HDAC9: variants seen among roughly 807,000 people sequenced by gnomAD.
The protein encoded by HDAC9 is histone deacetylase 9, also known as MEF-2 interacting transcription repressor (MITR) protein.
A neutral mutation model predicts 139.4 loss-of-function variants in HDAC9; 41 were observed. The ratio of observed to expected loss-of-function variants is 0.29; its 90% confidence interval spans 0.23 to 0.38. The LOEUF is 0.38. Among genes scored for constraint, HDAC9 ranks in the 10% least tolerant of loss-of-function variants. HDAC9 has a pLI of 1.00. For synonymous variants in HDAC9, 517 were observed against 476.2 expected (o/e 1.09, Z -1.12); for missense variants, 1,147 against 1,297.0 (o/e 0.88, Z 1.78).
intron 2 of HDAC9, among the ~76,000 whole-genome samples, chr7:18,196,217 TG>T (rs1037458543): frequency 6.6e-6 from 1 of 152,144 alleles, no homozygotes; most frequent in African/African-American, 2.4e-5. Flanking sequence ...TTGGAGCCAG[TG>T]GGGTAAGATT....
intron 24 of HDAC9, among the ~76,000 whole-genome samples, chr7:18,961,740 T>C (rs1348684417): frequency 6.6e-6 from 1 of 152,212 alleles, no homozygotes; most frequent in Non-Finnish European, 1.5e-5. Flanking sequence ...AGTTACTATT[T>C]TCATTCCCAT....
intron 12 of HDAC9, among the ~76,000 whole-genome samples, chr7:18,718,963 C>G (rs1784920670): frequency 6.6e-6 from 1 of 152,144 alleles, no homozygotes; most frequent in African/African-American, 2.4e-5. Context: ...AATAAACATT[C>G]TAATTGGTGT....
chr7:18,696,357 ATATGT>A (rs1783042500), intron 12 of HDAC9, among the ~76,000 whole-genome samples: 1 of 148,470 alleles, frequency 6.7e-6, no homozygotes, highest in Non-Finnish European at 1.5e-5. Flanking sequence ...ATATAGTTAT[ATATGT>A]TATAATTATA....
Position 18,299,221 on chromosome 7 carries a change from T to A in HDAC9, c.-42+8706T>A, listed in dbSNP as rs551611402. On this transcript the variant is annotated intron_variant, in intron 1 of 3. Transcript: ENST00000413509. ...CACCTTGGCTGTACAACTCTTAAGA[T>A]TTTTTTTTTTTTTTTTGCAACACTG... Among the ~76,000 whole-genome samples, 349 of 68,508 alleles carry A rather than the reference T, an allele frequency of 5.1e-3. 2 individuals are homozygous for A. Among genetic ancestry groups the A allele is most frequent in the African/African-American group, 0.02 (333 of 16,954 alleles). The allele number at this position is 68,508 out of a possible 152,430, so 44.9% of individuals were successfully genotyped here.
At chr7:18,135,842 G>A (rs953018989) in intron 1 of HDAC9, among the ~76,000 whole-genome samples, 4 of 143,868 alleles carry the variant, frequency 2.8e-5, no homozygotes, top group Non-Finnish European at 4.4e-5. Context: ...TGGGTCAAAT[G>A]GTATTTCCAG....
rs147662009 is a variant in HDAC9, at chr7:18,945,123, G to A, written c.2938-9023G>A. ...GTGTTTAAATGTGTTTTCCATAGTG[G>A]CAGTTACAATTTGTACTCCTACCAG... On this transcript the variant is annotated intron_variant, in intron 23 of 25. Coordinates refer to ENST00000686413, the MANE Select transcript of HDAC9 (RefSeq NM_178425.4). Among the ~76,000 whole-genome samples the A allele has an allele frequency of 5.0e-3, 756 of 152,240 alleles. 3 individuals are homozygous for A. The highest frequency in any genetic ancestry group is 8.6e-3 in the Non-Finnish European group (588 of 68,014).
In HDAC9 at chr7:18,999,728, T is replaced by C. The variant is rs7791226; in HGVS notation, c.*3666T>C. 0.44 allele frequency: 67,030 copies of C among 152,112 alleles called. 16,186 individuals carry two copies. Among genetic ancestry groups the C allele is most frequent in the Non-Finnish European group, 0.55 (37,576 of 67,984 alleles). 9.4% of individuals were successfully genotyped at this position (152,112 alleles called of 1,614,324 possible). A position where few individuals can be genotyped will look rare whatever the true frequency, so the allele number is the denominator to read the frequency against. ...TGCTGAAATTACAGGTGTGAGCCAC[T>C]GCACCCGGCCAAACTTATTGTTTTA... On this transcript the variant is annotated 3_prime_UTR_variant, in exon 26 of 26. Coordinates refer to ENST00000686413, the MANE Select transcript of HDAC9 (RefSeq NM_178425.4).
At chr7:18,991,463 C>T (rs1001732182) in intron 25 of HDAC9, among the ~76,000 whole-genome samples, 7 of 152,144 alleles carry the variant, frequency 4.6e-5, no homozygotes, top group African/African-American at 1.2e-4. Flanking sequence ...CGGTGAAACC[C>T]TGTCTCTACT....
In HDAC9 at chr7:18,732,880, TGTGC is replaced by T. The variant is rs1190006275; in HGVS notation, c.1909+5126_1909+5129del. 9.4e-5 allele frequency among the ~76,000 whole-genome samples: 10 copies of T among 106,206 alleles called. 3 individuals are homozygous for T. Among genetic ancestry groups the T allele is most frequent in the African/African-American group, 4.4e-4 (10 of 22,686 alleles). 69.7% of individuals were successfully genotyped at this position (106,206 alleles called of 152,430 possible). A position where few individuals can be genotyped will look rare whatever the true frequency, so the allele number is the denominator to read the frequency against. ...GTGTGCGTATGTGTACACACACACG[TGTGC>T]GTATGTGTACACACACACGTGTGCG... On this transcript the variant is annotated intron_variant, in intron 13 of 25. Transcript: ENST00000686413.
intron 13 of HDAC9, among the ~76,000 whole-genome samples, chr7:18,736,945 T>G (rs987323884): frequency 6.6e-6 from 1 of 152,214 alleles, no homozygotes; most frequent in South Asian, 2.1e-4. Flanking sequence ...ATTCAACTTC[T>G]TCCGGCTTTA....
At chr7:18,761,325 C>T (rs1248692570) in intron 14 of HDAC9, among the ~76,000 whole-genome samples, 2 of 152,176 alleles carry the variant, frequency 1.3e-5, no homozygotes, top group Non-Finnish European at 2.9e-5. Flanking sequence ...GAGTGAAAGT[C>T]TCTGCCTAGC....
intron 22 of HDAC9, among the ~76,000 whole-genome samples, chr7:18,881,389 T>C (rs976390277): frequency 6.6e-6 from 1 of 152,110 alleles, no homozygotes; most frequent in African/African-American, 2.4e-5. Context: ...TTATTCTTTA[T>C]CAAGGTGCAG....
At chr7:18,154,919 A>G (rs1787065304) in intron 1 of HDAC9, among the ~76,000 whole-genome samples, 2 of 152,198 alleles carry the variant, frequency 1.3e-5, no homozygotes, top group African/African-American at 4.8e-5. Flanking sequence ...AGTTTTCTGC[A>G]GGGAAGGTTA....
Position 18,524,899 on chromosome 7 carries a change from CACAT to C in HDAC9, c.22+28576_22+28579del, listed in dbSNP as rs202163219. Among the ~76,000 whole-genome samples, 409 of 150,406 alleles carry C rather than the reference CACAT, an allele frequency of 2.7e-3. 3 individuals are homozygous for C. The highest frequency in any genetic ancestry group is 9.4e-3 in the African/African-American group (383 of 40,694). ...ACACACACACACACACACACACACA[CACAT>C]TACAGATAAGTATATATATGGAAAA... On this transcript the variant is annotated intron_variant, in intron 2 of 25. Transcript: ENST00000686413.
rs1786613273 is a variant in HDAC9 at position 18,998,982 on chromosome 7, A to C, written c.*2920A>C. ...AGACAGTTTTATTAAATAGTAACCA[A>C]AATGGACTCAAATAAAACCAGAGGC... On this transcript the variant is annotated 3_prime_UTR_variant, in exon 26 of 26. Coordinates refer to ENST00000686413, the MANE Select transcript of HDAC9 (RefSeq NM_178425.4). 1 of 152,212 alleles carries C rather than the reference A, an allele frequency of 6.6e-6. No homozygotes were observed. Among genetic ancestry groups the C allele is most frequent in the African/African-American group, 2.4e-5 (1 of 41,458 alleles). The allele number at this position is 152,212 out of a possible 1,614,324, so 9.4% of individuals were successfully genotyped here.
chr7:18,550,591 G>C (rs147984764), intron 2 of HDAC9, among the ~76,000 whole-genome samples: 348 of 152,310 alleles, frequency 2.3e-3, no homozygotes, highest in African/African-American at 7.8e-3. Flanking sequence ...GGGGATATCA[G>C]GTGGGAATGG....
At chr7:18,564,145 T>C (rs1180824400) in intron 2 of HDAC9, among the ~76,000 whole-genome samples, 2 of 152,090 alleles carry the variant, frequency 1.3e-5, no homozygotes, top group African/African-American at 2.4e-5. Context: ...AGATTGTAAA[T>C]TTTTTGACAA....
At chr7:18,410,543 G>T (rs1788447233) in intron 1 of HDAC9, among the ~76,000 whole-genome samples, 1 of 152,078 alleles carries the variant, frequency 6.6e-6, no homozygotes, top group Non-Finnish European at 1.5e-5. Context: ...CTATTTACAT[G>T]TTATATACAT....
intron 16 of HDAC9, among the ~76,000 whole-genome samples, chr7:18,787,945 T>G (rs1444015733): frequency 6.6e-6 from 1 of 152,206 alleles, no homozygotes; most frequent in Non-Finnish European, 1.5e-5. Context: ...TTGGACTTAA[T>G]GTCTTTAGGT....
Sources: gnomAD v4.1 joint callset for allele counts (sites outside exome capture counted in the v4.1 genomes callset) on GRCh38, gnomAD v4.1.1 for gene constraint, MANE v1.5 for transcripts, NCBI Gene and HGNC (gene_info 2026-07-23, HGNC 2026-07-21) for gene names.